Variants in ATP10B observed in about 807,000 individuals in gnomAD.
ATP10B encodes phospholipid-transporting ATPase VB.
In ATP10B, 122 loss-of-function variants were observed where a neutral mutation model predicts 141.2. The observed-to-expected ratio is 0.86, with a 90% CI of 0.75 to 1.00. ATP10B has a LOEUF of 1.00. ATP10B is among the 50% of genes least tolerant of loss of function. The probability of loss-of-function intolerance (pLI) is 0.00; values close to 1 mark genes in which losing one functional copy is unlikely to be tolerated. For missense variants in ATP10B, 1,876 were observed against 1,825.3 expected, an observed-to-expected ratio of 1.03 and a Z score of -0.51; for synonymous variants, 685 against 692.0, an observed-to-expected ratio of 0.99 and a Z score of 0.16.
At chr5:160,828,721 G>A (rs1485602806) in intron 1 of ATP10B, among the ~76,000 whole-genome samples, 1 of 151,850 alleles carries the variant, frequency 6.6e-6, no homozygotes, top group Non-Finnish European at 1.5e-5. Flanking sequence ...GTACCCAAAG[G>A]ACTATAAATC....
intron 1 of ATP10B, among the ~76,000 whole-genome samples, chr5:160,842,592 A>G (rs1277212120): frequency 6.6e-6 from 1 of 152,090 alleles, no homozygotes; most frequent in Non-Finnish European, 1.5e-5. Context: ...GAATGAAGGG[A>G]ACTTAAGGAA....
chr5:160,722,069 C>T (rs866646938), intron 2 of ATP10B, among the ~76,000 whole-genome samples: 5 of 152,130 alleles, frequency 3.3e-5, no homozygotes, highest in South Asian at 2.1e-4. Flanking sequence ...AACATTAGAA[C>T]GAGTGCTTCG....
intron 6 of ATP10B, among the ~76,000 whole-genome samples, chr5:160,682,188 C>T (rs995323446): frequency 4.6e-5 from 7 of 152,182 alleles, no homozygotes; most frequent in African/African-American, 1.7e-4. Flanking sequence ...AAATGTAAAG[C>T]AACACTGAGT....
the ATP10B span, among the ~76,000 whole-genome samples, chr5:160,876,637 A>AG: frequency 1.3e-5 from 2 of 152,110 alleles, no homozygotes; most frequent in African/African-American, 4.8e-5. Flanking sequence ...ATAGACTGCT[A>AG]GCAAGACTAA....
chr5:160,726,944 T>C (rs1272046698), intron 2 of ATP10B, among the ~76,000 whole-genome samples: 1 of 150,654 alleles, frequency 6.6e-6, no homozygotes, highest in South Asian at 2.1e-4. Flanking sequence ...CCCCCGGGGG[T>C]GGGGTGGGGG....
chr5:160,641,724 C>T (rs1186648597), intron 9 of ATP10B, among the ~76,000 whole-genome samples: 2 of 152,242 alleles, frequency 1.3e-5, no homozygotes, highest in Non-Finnish European at 2.9e-5. Flanking sequence ...CAGTGCCATA[C>T]TCCTCAGCAG....
chr5:160,659,595 G>C (rs1477920622), intron 7 of ATP10B, among the ~76,000 whole-genome samples: 1 of 152,066 alleles, frequency 6.6e-6, no homozygotes, highest in African/African-American at 2.4e-5. Context: ...AATAATGCTA[G>C]ACATTGGGAA....
intron 2 of ATP10B, among the ~76,000 whole-genome samples, chr5:160,735,110 AC>A (rs1240478836): frequency 2.0e-5 from 3 of 151,358 alleles, no homozygotes; most frequent in African/African-American, 7.2e-5. Flanking sequence ...AAAAAAAAAA[AC>A]ACCGGAAAAC....
At chr5:160,856,062 C>T (rs1181585910), upstream of ATP10B, among the ~76,000 whole-genome samples, 1 of 151,638 alleles carries the variant, frequency 6.6e-6, no homozygotes, top group Non-Finnish European at 1.5e-5. Context: ...TTCTTGGTTT[C>T]ATGCTTTTTC....
In ATP10B at chr5:160,565,199, A is replaced by G; in HGVS notation, c.*254T>C. On this transcript the variant is annotated 3_prime_UTR_variant, in exon 26 of 26. Transcript: ENST00000327245. Reference sequence around the variant, plus strand: ...TAAACCGATTTGAGAACTCGATTCAACAAAAACAGCCTCCTTCTCCAAACT... The same window carrying G: ...TAAACCGATTTGAGAACTCGATTCAGCAAAAACAGCCTCCTTCTCCAAACT... The G allele has an allele frequency of 1.9e-6, 1 of 518,028 alleles. No homozygotes were observed. 32.1% of individuals were successfully genotyped at this position (518,028 alleles called of 1,614,324 possible).
rs575212438 is a variant in ATP10B, at chr5:160,783,787, T to C, written c.-331+1772A>G. On this transcript the variant is annotated intron_variant, in intron 2 of 25. Coordinates refer to ENST00000327245, the MANE Select transcript of ATP10B (RefSeq NM_025153.3). Reference sequence around the variant, plus strand: ...GCTGGACCAAATGGTAGTTCTACTTTTAGTTCTTTAAGGAATCTCCACACT... The same window carrying C: ...GCTGGACCAAATGGTAGTTCTACTTCTAGTTCTTTAAGGAATCTCCACACT... 2.0e-4 allele frequency among the ~76,000 whole-genome samples: 30 copies of C among 152,164 alleles called. No individual in the cohort carries two copies. The South Asian group carries it at 6.2e-3, about 32-fold the overall frequency.
chr5:160,698,760 G>T (rs1470709146), intron 3 of ATP10B, among the ~76,000 whole-genome samples: 1 of 152,162 alleles, frequency 6.6e-6, no homozygotes, highest in Non-Finnish European at 1.5e-5. Flanking sequence ...AGACAGTAAG[G>T]ACCAGAAGTT....
intron 2 of ATP10B, among the ~76,000 whole-genome samples, chr5:160,739,878 T>C (rs1333310530): frequency 6.6e-6 from 1 of 152,226 alleles, no homozygotes; most frequent in African/African-American, 2.4e-5. Context: ...GCCCAGGCTA[T>C]GTTGCCCAGG....
chr5:160,595,030 G>C (rs965454256), intron 22 of ATP10B, among the ~76,000 whole-genome samples: 1 of 151,932 alleles, frequency 6.6e-6, no homozygotes, highest in Non-Finnish European at 1.5e-5. Flanking sequence ...ACTCAGCTCT[G>C]CACCAAGCAG....
At chr5:160,680,518 TC>T (rs1337271843) in intron 6 of ATP10B, among the ~76,000 whole-genome samples, 1 of 152,200 alleles carries the variant, frequency 6.6e-6, no homozygotes, top group African/African-American at 2.4e-5. Context: ...GTATAGAATG[TC>T]CCAAGATGTG....
At chr5:160,792,668 T>A (rs562873171) in intron 1 of ATP10B, among the ~76,000 whole-genome samples, 11 of 152,234 alleles carry the variant, frequency 7.2e-5, no homozygotes, top group African/African-American at 2.7e-4. Context: ...TACCTGCTGC[T>A]GTCTACTTGC....
chr5:160,813,576 AAGGCAGC>A (rs1773334641), intron 1 of ATP10B, among the ~76,000 whole-genome samples: 1 of 152,164 alleles, frequency 6.6e-6, no homozygotes, highest in African/African-American at 2.4e-5. Context: ...AGCCAAACAA[AAGGCAGC>A]AGAATCCTCT....
chr5:160,669,508 A>G (rs987373701), intron 7 of ATP10B, among the ~76,000 whole-genome samples: 4 of 151,724 alleles, frequency 2.6e-5, no homozygotes, highest in African/African-American at 9.7e-5. Flanking sequence ...TGATTTCTCC[A>G]TGATGTCTGA....
the ATP10B span, among the ~76,000 whole-genome samples, chr5:160,881,832 CAAT>C: frequency 1.3e-5 from 2 of 151,692 alleles, no homozygotes; most frequent in Non-Finnish European, 2.9e-5. Context: ...ATAAATAAAA[CAAT>C]AATAATAATT....
Sources: allele counts gnomAD v4.1 joint callset (sites outside exome capture counted in the v4.1 genomes callset), GRCh38; gene constraint gnomAD v4.1.1; transcripts MANE v1.5; gene names NCBI Gene and HGNC (gene_info 2026-07-23, HGNC 2026-07-21).